The following ARHGAP5 variants were observed in gnomAD, a reference collection of about 807,000 sequenced individuals.
The protein encoded by ARHGAP5 is rho GTPase-activating protein 5.
In ARHGAP5, 23 loss-of-function variants were observed where a neutral mutation model predicts 116.6. The observed-to-expected ratio is 0.20, with a 90% confidence interval of 0.14 to 0.28. The LOEUF (loss-of-function observed/expected upper bound fraction) is 0.28. Ranked by LOEUF, ARHGAP5 falls within the 10% of genes least tolerant of loss-of-function variation. The probability of loss-of-function intolerance (pLI) is 1.00; values close to 1 mark genes in which losing one functional copy is unlikely to be tolerated. For missense variants in ARHGAP5, 1,405 were observed against 1,774.8 expected, an observed-to-expected ratio of 0.79 and a Z score of 3.74; for synonymous variants, 574 against 602.0, an observed-to-expected ratio of 0.95 and a Z score of 0.68.
chr14:32,094,496 T>A, intron 2 of ARHGAP5, 110 bp downstream of exon 2: 1 of 755,314 alleles, frequency 1.3e-6, no homozygotes, highest in Non-Finnish European at 2.0e-6. Flanking sequence ...ACATAATAAT[T>A]AGTAGCCCTT....
At chr14:32,142,212 A>C (rs1227753466) in intron 3 of ARHGAP5, among the ~76,000 whole-genome samples, 1 of 152,124 alleles carries the variant, frequency 6.6e-6, no homozygotes, top group Non-Finnish European at 1.5e-5. Flanking sequence ...TTTTAAAAGA[A>C]CTTTTGATTT....
chr14:32,081,056 A>G (rs2041767267), intron 1 of ARHGAP5, among the ~76,000 whole-genome samples: 1 of 152,160 alleles, frequency 6.6e-6, no homozygotes, highest in Non-Finnish European at 1.5e-5. Context: ...CCTGACCAAT[A>G]TTTTATTGAG....
At position 32,091,540 on chromosome 14, in the gene ARHGAP5, A is replaced by G. The variant is rs766980558; in HGVS notation, c.871A>G (p.Lys291Glu). 10 of 1,612,688 alleles carry G rather than the reference A, an allele frequency of 6.2e-6. No individual in the cohort carries two copies. In the Admixed American group the frequency reaches 8.4e-5, roughly 13 times the overall value. Residue 291 changes from lysine (K) to glutamate (E), a missense_variant, in exon 2 of 7, where the codon AAA becomes GAA. Coordinates refer to ENST00000345122, the MANE Select transcript of ARHGAP5 (RefSeq NM_001030055.2). ...QTVRDYHATW[K>E]TVSNKLKNHP... ...TGTGAGAGATTATCATGCAACTTGG[A>G]AAACTGTTAGTAATAAATTAAAAAA...
intron 1 of ARHGAP5, among the ~76,000 whole-genome samples, chr14:32,082,094 T>A (rs1031309541): frequency 6.6e-5 from 10 of 152,156 alleles, no homozygotes; most frequent in African/African-American, 2.4e-4. Flanking sequence ...GGAGCTCAGG[T>A]GGTAATGCCC....
chr14:32,098,452 T>C (rs1179362268), intron 2 of ARHGAP5, among the ~76,000 whole-genome samples: 1 of 152,132 alleles, frequency 6.6e-6, no homozygotes, highest in Non-Finnish European at 1.5e-5. Context: ...AATTGTTAAC[T>C]GGGGGTTGGT....
chr14:32,152,521 C>G lies in ARHGAP5; in HGVS notation c.4174C>G (p.Leu1392Val), dbSNP rs1374270897. 6.5e-7 allele frequency: 1 copy of G among 1,546,256 alleles called. No individual in the cohort carries two copies. Among genetic ancestry groups the G allele is most frequent in the Non-Finnish European group, 8.7e-7 (1 of 1,144,700 alleles). The change falls in exon 6 of 7, where the codon CTA (leucine) becomes GTA (valine). Residue 1392 changes from leucine to valine, a missense_variant. Leu to Val is a conservative substitution (Grantham distance 32). Around this residue, in one of 6 missense-constraint regions of ARHGAP5, gnomAD observed 176 missense variants for 221.2 expected, o/e 0.80. Transcript: ENST00000345122. Reference sequence around the variant, plus strand: ...TGTATTCAGATACGTGATAACACATCTAAACAGGTATTTTTATTTTTTTAG... The same window carrying G: ...TGTATTCAGATACGTGATAACACATGTAAACAGGTATTTTTATTTTTTTAG... ...YDVFRYVITH[L>V]NRVSQQHKIN...
intron 2 of ARHGAP5, among the ~76,000 whole-genome samples, chr14:32,097,589 A>G (rs893725562): frequency 6.6e-6 from 1 of 152,182 alleles, no homozygotes; most frequent in African/African-American, 2.4e-5. Context: ...CATCACTTCT[A>G]TTCAGTGTTA....
At chr14:32,129,941 T>C (rs1016221227) in intron 3 of ARHGAP5, among the ~76,000 whole-genome samples, 1 of 152,130 alleles carries the variant, frequency 6.6e-6, no homozygotes, top group African/African-American at 2.4e-5. Context: ...GGCTCACACC[T>C]GTAATACCAG....
At chr14:32,133,308 T>C (rs1880606320) in intron 3 of ARHGAP5, among the ~76,000 whole-genome samples, 1 of 152,198 alleles carries the variant, frequency 6.6e-6, no homozygotes, top group Non-Finnish European at 1.5e-5. Flanking sequence ...TCACATCCCT[T>C]GTAAGTTGGA....
At chr14:32,129,744 C>T (rs1318027964) in intron 3 of ARHGAP5, among the ~76,000 whole-genome samples, 1 of 152,054 alleles carries the variant, frequency 6.6e-6, no homozygotes, top group Non-Finnish European at 1.5e-5. Flanking sequence ...ATTTCTCAAT[C>T]CATTTTTATG....
intron 2 of ARHGAP5, 65 bp from the exon 3 acceptor site, chr14:32,117,075 A>G (rs1879641234): frequency 5.4e-6 from 7 of 1,305,974 alleles, no homozygotes; most frequent in Admixed American, 2.2e-5. Flanking sequence ...GTGTATTTAC[A>G]TTGCTCATTA....
At position 32,157,423 on chromosome 14, in the gene ARHGAP5, AG is replaced by A. The variant is rs1881938897; in HGVS notation, c.*2477del. ...GTCTCATAATTGTGAGTAAACATCA[AG>A]GCATTATATTTTACAATACTGAATA... On this transcript the variant is annotated 3_prime_UTR_variant, in exon 7 of 7. Coordinates refer to ENST00000345122, the MANE Select transcript of ARHGAP5 (RefSeq NM_001030055.2). The A allele has an allele frequency of 6.6e-6, 1 of 152,294 alleles. No individual in the cohort carries two copies. Among genetic ancestry groups the A allele is most frequent in the Admixed American group, 6.6e-5 (1 of 15,242 alleles). 9.4% of individuals were successfully genotyped at this position (152,294 alleles called of 1,614,324 possible).
rs1237700050 is a variant in ARHGAP5 at position 32,091,294 on chromosome 14, C to A, written c.625C>A (p.Leu209Ile). The A allele has an allele frequency of 1.9e-6, 3 of 1,613,448 alleles. No individual in the cohort carries two copies. The highest frequency in any genetic ancestry group is 2.5e-6 in the Non-Finnish European group (3 of 1,179,628). ...ATGTGATGAATGCGTGGATCATTAT[C>A]TTAGAGAAGTTCAGGCATTTGCTTC... ...TKCDECVDHY[L>I]REVQAFASNK... Residue 209 changes from leucine (L) to isoleucine (I), a missense_variant, in exon 2 of 7, where the codon CTT becomes ATT. By Grantham distance (5) the Leu-to-Ile change is conservative. This residue lies in a region of ARHGAP5 where 190 missense variants were observed against 314.9 expected (regional missense o/e 0.60). Transcript: ENST00000345122.
At position 32,117,128 on chromosome 14, in the gene ARHGAP5, G is replaced by GT. The variant is rs760385759; in HGVS notation, c.3718-8dup. On this transcript the variant is annotated splice_polypyrimidine_tract_variant and intron_variant, in intron 2 of 6. Coordinates refer to ENST00000345122, the MANE Select transcript of ARHGAP5 (RefSeq NM_001030055.2). Reference sequence around the variant, plus strand: ...ATTTTAATAGTGTTAACTTAAATATGTTTTCTTATAGCAGAAAAAGAAAAC... The same window carrying GT: ...ATTTTAATAGTGTTAACTTAAATATGTTTTTCTTATAGCAGAAAAAGAAAAC... 6.4e-7 allele frequency: 1 copy of GT among 1,573,912 alleles called. No homozygotes were observed. The highest frequency in any genetic ancestry group is 8.7e-7 in the Non-Finnish European group (1 of 1,155,350).
chr14:32,117,837 T>C (rs1424375912), intron 3 of ARHGAP5, among the ~76,000 whole-genome samples: 1 of 152,212 alleles, frequency 6.6e-6, no homozygotes, highest in East Asian at 1.9e-4. Flanking sequence ...ACAAGCCTGC[T>C]CTTATGTTTA....
chr14:32,085,578 G>C (rs917766604), intron 1 of ARHGAP5, among the ~76,000 whole-genome samples: 2 of 152,090 alleles, frequency 1.3e-5, no homozygotes, highest in Non-Finnish European at 2.9e-5. Flanking sequence ...TTATTCTTCA[G>C]CTGCTTGCAA....
At chr14:32,090,426 G>C (rs1594343724) in intron 1 of ARHGAP5, 76 bp from the exon 2 acceptor site, 1 of 463,410 alleles carries the variant, frequency 2.2e-6, no homozygotes, top group Admixed American at 3.8e-5. Context: ...ATGGTGCTTT[G>C]TTGTAAACAT....
intron 3 of ARHGAP5, among the ~76,000 whole-genome samples, chr14:32,145,414 C>G (rs1285864606): frequency 3.3e-5 from 5 of 152,162 alleles, no homozygotes; most frequent in Non-Finnish European, 7.3e-5. Context: ...CTAGGCTGTA[C>G]CTCTTCTAAT....
chr14:32,116,176 A>C (rs1001887903), intron 2 of ARHGAP5, among the ~76,000 whole-genome samples: 1 of 149,510 alleles, frequency 6.7e-6, no homozygotes, highest in African/African-American at 2.5e-5. Flanking sequence ...AGTCCCAGCT[A>C]CTCCGGAGGC....
Sources: gnomAD v4.1 joint callset for allele counts (sites outside exome capture counted in the v4.1 genomes callset) on GRCh38, gnomAD v4.1.1 for gene constraint, gnomAD v4.1.1 regional missense constraint, MANE v1.5 for transcripts, NCBI Gene and HGNC (gene_info 2026-07-23, HGNC 2026-07-21) for gene names.